The following CALN1 variants were observed in gnomAD, a reference collection of about 807,000 sequenced individuals.
The protein encoded by CALN1 is calneuron 1.
In CALN1, 17 loss-of-function variants were observed where a neutral mutation model predicts 30.6. The ratio of observed to expected loss-of-function variants is 0.56; its 90% confidence interval spans 0.38 to 0.83. CALN1 has a LOEUF of 0.83. Ranked by LOEUF, CALN1 falls within the 40% of genes least tolerant of loss-of-function variation. The probability of loss-of-function intolerance (pLI) is 0.00; values close to 1 mark genes in which losing one functional copy is unlikely to be tolerated. For missense variants in CALN1, 291 were observed against 354.9 expected, an observed-to-expected ratio of 0.82 and a Z score of 1.45; for synonymous variants, 156 against 131.4, an observed-to-expected ratio of 1.19 and a Z score of -1.28.
intron 5 of CALN1, among the ~76,000 whole-genome samples, chr7:71,926,196 C>G (rs1243865171): frequency 2.6e-5 from 4 of 152,172 alleles, no homozygotes; most frequent in Admixed American, 2.6e-4. Flanking sequence ...ACCACCACAG[C>G]CTGCACACAG....
At chr7:71,823,063 C>T (rs1282331549) in intron 5 of CALN1, among the ~76,000 whole-genome samples, 2 of 152,076 alleles carry the variant, frequency 1.3e-5, no homozygotes, top group Non-Finnish European at 2.9e-5. Flanking sequence ...TCTGATAATA[C>T]CTTTCTCCCC....
intron 5 of CALN1, among the ~76,000 whole-genome samples, chr7:71,994,779 T>C (rs192631271): frequency 1.3e-5 from 2 of 151,766 alleles, no homozygotes; most frequent in East Asian, 1.9e-4. Context: ...CTGATTTACA[T>C]AGAGGACGAA....
chr7:72,195,941 G>A (rs536311597), intron 3 of CALN1, among the ~76,000 whole-genome samples: 1 of 152,178 alleles, frequency 6.6e-6, no homozygotes, highest in East Asian at 1.9e-4. Context: ...ACAACATGAA[G>A]GAAACTTGAA....
intron 4 of CALN1, among the ~76,000 whole-genome samples, chr7:72,105,760 A>G (rs1177733404): frequency 1.6e-5 from 2 of 125,228 alleles, no homozygotes; most frequent in African/African-American, 3.2e-5. Context: ...CAGGGAGAAG[A>G]GGAAGAAGAA....
intron 2 of CALN1, among the ~76,000 whole-genome samples, chr7:72,356,103 C>CA (rs1489417425): frequency 6.6e-6 from 1 of 152,096 alleles, no homozygotes; most frequent in East Asian, 1.9e-4. Context: ...CATAGATATG[C>CA]ACAATTATTC....
intron 2 of CALN1, among the ~76,000 whole-genome samples, chr7:72,366,998 G>A (rs1803915769): frequency 6.6e-6 from 1 of 152,054 alleles, no homozygotes; most frequent in South Asian, 2.1e-4. Flanking sequence ...CACAACAATA[G>A]TGAATAAATG....
chr7:72,185,832 C>A (rs1468105333), intron 3 of CALN1, among the ~76,000 whole-genome samples: 6 of 152,210 alleles, frequency 3.9e-5, no homozygotes, highest in Non-Finnish European at 8.8e-5. Context: ...GCATGGAAGA[C>A]ATGATTTGCT....
At chr7:72,312,631 G>C (rs1177372093) in intron 2 of CALN1, among the ~76,000 whole-genome samples, 1 of 151,924 alleles carries the variant, frequency 6.6e-6, no homozygotes, top group Non-Finnish European at 1.5e-5. Flanking sequence ...GATGCCTCAG[G>C]TTCAGAAAAT....
chr7:72,154,164 A>G (rs1787479872), intron 3 of CALN1, among the ~76,000 whole-genome samples: 1 of 152,070 alleles, frequency 6.6e-6, no homozygotes, highest in Non-Finnish European at 1.5e-5. Context: ...CAACTCCTAG[A>G]AAGATAAAAT....
At chr7:71,803,438 C>A (rs535958305) in intron 6 of CALN1, among the ~76,000 whole-genome samples, 17 of 152,158 alleles carry the variant, frequency 1.1e-4, no homozygotes, top group African/African-American at 4.1e-4. Flanking sequence ...AATGTGAGCC[C>A]CTGATACAGG....
At chr7:71,982,805 A>C (rs1798468691) in intron 5 of CALN1, among the ~76,000 whole-genome samples, 1 of 152,166 alleles carries the variant, frequency 6.6e-6, no homozygotes, top group Admixed American at 6.5e-5. Context: ...CAGCCTGTAA[A>C]ACTGAGCTGC....
chr7:72,380,709 A>AT (rs1804842082), intron 2 of CALN1, among the ~76,000 whole-genome samples: 1 of 146,482 alleles, frequency 6.8e-6, no homozygotes, highest in South Asian at 2.2e-4. Flanking sequence ...ATTAGATTAG[A>AT]TAGATAGATA....
At chr7:71,932,885 C>T (rs1285308957) in intron 5 of CALN1, among the ~76,000 whole-genome samples, 9 of 151,036 alleles carry the variant, frequency 6.0e-5, no homozygotes, top group East Asian at 1.9e-4. Flanking sequence ...TATTCTGATA[C>T]GCTTCTCCCC....
upstream of CALN1, among the ~76,000 whole-genome samples, chr7:72,449,744 G>A (rs897454394): frequency 4.0e-5 from 6 of 151,690 alleles, no homozygotes; most frequent in African/African-American, 4.8e-5. Flanking sequence ...GCATGGTGGC[G>A]GGCGCCTGTA....
chr7:71,906,575 G>A (rs1794147715), intron 5 of CALN1, among the ~76,000 whole-genome samples: 1 of 152,156 alleles, frequency 6.6e-6, no homozygotes, highest in Non-Finnish European at 1.5e-5. Flanking sequence ...ACCAGGCACT[G>A]GGTATCACCG....
chr7:71,801,376 T>G (rs1258685272), intron 6 of CALN1, among the ~76,000 whole-genome samples: 2 of 121,568 alleles, frequency 1.6e-5, no homozygotes, highest in African/African-American at 3.2e-5. Flanking sequence ...CCATGCCTGG[T>G]TATGTATGTA....
chr7:71,982,179 C>T (rs991144636), intron 5 of CALN1, among the ~76,000 whole-genome samples: 2 of 152,162 alleles, frequency 1.3e-5, no homozygotes, highest in African/African-American at 2.4e-5. Flanking sequence ...CCCTCTGTCT[C>T]CCTGCCTCTG....
chr7:71,907,230 T>C (rs1794183823), intron 5 of CALN1, among the ~76,000 whole-genome samples: 1 of 134,794 alleles, frequency 7.4e-6, no homozygotes, highest in East Asian at 2.8e-4. Flanking sequence ...TAAACAGAAA[T>C]GAGGTTTAAA....
intron 4 of CALN1, among the ~76,000 whole-genome samples, chr7:72,042,319 G>A (rs1021508577): frequency 2.0e-5 from 3 of 152,172 alleles, no homozygotes; most frequent in Admixed American, 6.5e-5. Flanking sequence ...ATTTACCATG[G>A]AGAAAGAATA....
Sources: allele counts gnomAD v4.1 joint callset (sites outside exome capture counted in the v4.1 genomes callset), GRCh38; gene constraint gnomAD v4.1.1; transcripts MANE v1.5; gene names NCBI Gene and HGNC (gene_info 2026-07-23, HGNC 2026-07-21).